Variants in ARHGAP17 observed in about 807,000 individuals in gnomAD.
ARHGAP17 encodes the protein Rho GTPase activating protein 17.
A neutral mutation model predicts 99.5 loss-of-function variants in ARHGAP17; 57 were observed. The observed-to-expected ratio is 0.57, with a 90% CI of 0.46 to 0.71. ARHGAP17 has a LOEUF of 0.71. Among genes scored for constraint, ARHGAP17 ranks in the 30% least tolerant of loss-of-function variants. The pLI is 0.00. For synonymous variants in ARHGAP17, 417 were observed against 429.6 expected (o/e 0.97, Z 0.36); for missense variants, 1,000 against 1,122.4 (o/e 0.89, Z 1.56).
At chr16:24,982,996 A>ATATTTTT (rs1315859010) in intron 1 of ARHGAP17, among the ~76,000 whole-genome samples, 3 of 46,974 alleles carry the variant, frequency 6.4e-5, no homozygotes, top group African/African-American at 2.6e-4. Context: ...ATATATATAT[A>ATATTTTT]TTTTTTTTTT....
At chr16:24,947,436 A>G (rs1010345877) in intron 14 of ARHGAP17, 46 bp downstream of exon 14, 3 of 1,447,726 alleles carry the variant, frequency 2.1e-6, no homozygotes, top group Non-Finnish European at 2.9e-6. Flanking sequence ...GCATCCCATC[A>G]GGTGGGAAAG....
chr16:24,993,259 T>G (rs2053101344), intron 1 of ARHGAP17, among the ~76,000 whole-genome samples: 1 of 152,152 alleles, frequency 6.6e-6, no homozygotes, highest in Non-Finnish European at 1.5e-5. Flanking sequence ...TTATAATAGG[T>G]TGGTGCAAAA....
intron 3 of ARHGAP17, among the ~76,000 whole-genome samples, chr16:24,974,995 A>C (rs2052472583): frequency 6.6e-6 from 1 of 152,152 alleles, no homozygotes; most frequent in South Asian, 2.1e-4. Context: ...CGAAAAAAAC[A>C]AACAAACAAT....
Position 24,952,284 on chromosome 16 carries a change from C to T in ARHGAP17, c.1046+5G>A, listed in dbSNP as rs761040596. 26 of 1,608,030 alleles carry T rather than the reference C, an allele frequency of 1.6e-5. No homozygotes were observed. The South Asian group carries it at 2.9e-4, about 18-fold the overall frequency. On this transcript the variant is annotated splice_donor_5th_base_variant and intron_variant, in intron 12 of 19. Transcript: ENST00000289968. ...CATTTACAACTCTGTGTTCTTTAAA[C>T]TTACCTTGCAACTTGTGTCCATTCT...
At chr16:24,981,928 T>C (rs1441781739) in intron 1 of ARHGAP17, among the ~76,000 whole-genome samples, 2 of 152,188 alleles carry the variant, frequency 1.3e-5, no homozygotes, top group East Asian at 3.8e-4. Flanking sequence ...CCCTCTGCTT[T>C]AGAGGTACTT....
chr16:24,964,349 T>C (rs765208583), intron 6 of ARHGAP17, 41 bp from the exon 7 acceptor site: 3 of 1,385,892 alleles, frequency 2.2e-6, no homozygotes, highest in Non-Finnish European at 3.1e-6. Context: ...GAACCAGCTG[T>C]GTATACTCAA....
chr16:24,981,501 G>C (rs918980118), intron 1 of ARHGAP17, among the ~76,000 whole-genome samples: 1 of 152,106 alleles, frequency 6.6e-6, no homozygotes, highest in Admixed American at 6.5e-5. Context: ...AGAACAGAAA[G>C]TCAACAGACA....
intron 3 of ARHGAP17, among the ~76,000 whole-genome samples, chr16:24,976,084 C>T (rs1453869640): frequency 2.6e-5 from 4 of 152,204 alleles, no homozygotes; most frequent in African/African-American, 4.8e-5. Flanking sequence ...ATCCCATCTC[C>T]TCACCCCACC....
At chr16:24,986,562 G>T (rs142905793) in intron 1 of ARHGAP17, among the ~76,000 whole-genome samples, 3 of 152,308 alleles carry the variant, frequency 2.0e-5, no homozygotes, top group Non-Finnish European at 4.4e-5. Context: ...AGTTTCACTG[G>T]AACACAGCCA....
chr16:24,954,837 G>T, intron 9 of ARHGAP17, 107 bp from the exon 10 acceptor site: 4 of 1,472,604 alleles, frequency 2.7e-6, no homozygotes, highest in Non-Finnish European at 3.7e-6. Flanking sequence ...GGTAGGTGAG[G>T]CTGTGCAAGA....
intron 10 of ARHGAP17, among the ~76,000 whole-genome samples, chr16:24,953,943 C>T (rs2051724295): frequency 6.6e-6 from 1 of 152,032 alleles, no homozygotes; most frequent in Non-Finnish European, 1.5e-5. Context: ...GCGCCGACTC[C>T]ATGGGTGGGT....
intron 17 of ARHGAP17, among the ~76,000 whole-genome samples, chr16:24,938,124 G>A (rs1332123167): frequency 1.3e-5 from 2 of 152,158 alleles, no homozygotes; most frequent in African/African-American, 4.8e-5. Context: ...GCCTTTGGGA[G>A]GCCAAGGCAG....
rs1567228657 is a variant in ARHGAP17 at position 24,955,556 on chromosome 16, A to AT, written c.725-827dup. On this transcript the variant is annotated intron_variant, in intron 9 of 19. Transcript: ENST00000289968. The surrounding 1 kb of genome is among the most constrained non-coding windows in gnomAD (Gnocchi z 4.0). Reference sequence around the variant, plus strand: ...GTGCAAGCTGCAGAGATCTAGTGCTATCTGAGCAGCTCGCAGAAGCAAAGG... The same window carrying AT: ...GTGCAAGCTGCAGAGATCTAGTGCTATTCTGAGCAGCTCGCAGAAGCAAAGG... 3 of 152,262 alleles carry AT rather than the reference A, an allele frequency of 2.0e-5. No individual in the cohort carries two copies. Among genetic ancestry groups the AT allele is most frequent in the African/African-American group, 7.2e-5 (3 of 41,462 alleles). 9.4% of individuals were successfully genotyped at this position (152,262 alleles called of 1,614,324 possible).
intron 1 of ARHGAP17, among the ~76,000 whole-genome samples, chr16:24,998,225 C>A (rs536322879): frequency 6.6e-6 from 1 of 151,828 alleles, no homozygotes; most frequent in East Asian, 1.9e-4. Context: ...AGACGCAGAG[C>A]GTGGATGACA....
intron 16 of ARHGAP17, 196 bp downstream of exon 16, chr16:24,941,791 A>G (rs1311143479): frequency 1.5e-6 from 1 of 675,148 alleles, no homozygotes; most frequent in African/African-American, 1.8e-5. Flanking sequence ...ACGTTAACTG[A>G]GAAGCTACAC....
In ARHGAP17 at chr16:24,930,800, A is replaced by G; in HGVS notation, c.2499T>C (p.Ala833=). The G allele has an allele frequency of 1.9e-6, 3 of 1,614,126 alleles. No individual in the cohort carries two copies. The South Asian group carries it at 3.3e-5, about 18-fold the overall frequency. The stretch of plus-strand genomic sequence containing the variant: ...CCTACTTACCTGTTACTATCTTGGA[A>G]GCTGTTGGTGCTGTGTTGGTGAGGC... ...DSSLTNTAPT[A]SKIVTDSNSR... Residue 833 remains alanine, a synonymous_variant, in exon 19 of 20, where the codon GCT becomes GCC. Transcript: ENST00000289968.
At chr16:24,997,286 A>G (rs959256182) in intron 1 of ARHGAP17, among the ~76,000 whole-genome samples, 1 of 151,704 alleles carries the variant, frequency 6.6e-6, no homozygotes, top group Admixed American at 6.6e-5. Flanking sequence ...CCAGACTCAT[A>G]TTCTCTATCA....
At chr16:24,992,687 C>T (rs1457827035) in intron 1 of ARHGAP17, among the ~76,000 whole-genome samples, 1 of 152,124 alleles carries the variant, frequency 6.6e-6, no homozygotes, top group Non-Finnish European at 1.5e-5. Context: ...CTATAAACTA[C>T]CAACTTGAAA....
intron 19 of ARHGAP17, among the ~76,000 whole-genome samples, chr16:24,926,645 C>T (rs1264977330): frequency 6.6e-6 from 1 of 152,224 alleles, no homozygotes; most frequent in Non-Finnish European, 1.5e-5. Context: ...AATTAGCCAG[C>T]AAAGTGTCCA....
Sources: allele counts gnomAD v4.1 joint callset (sites outside exome capture counted in the v4.1 genomes callset), GRCh38; gene constraint gnomAD v4.1.1; non-coding constraint Gnocchi (gnomAD v3.1); transcripts MANE v1.5; gene names NCBI Gene and HGNC (gene_info 2026-07-23, HGNC 2026-07-21).